The following CYP19A1 variants were observed in gnomAD, a reference collection of about 807,000 sequenced individuals.
The protein encoded by CYP19A1 is cytochrome P450 family 19 subfamily A member 1.
A neutral mutation model predicts 44.4 loss-of-function variants in CYP19A1; 32 were observed. The ratio of observed to expected loss-of-function variants is 0.72; its 90% CI spans 0.54 to 0.97. The LOEUF (loss-of-function observed/expected upper bound fraction) is 0.97. Ranked by LOEUF, CYP19A1 falls within the 50% of genes least tolerant of loss-of-function variation. CYP19A1 has a pLI of 0.00. For synonymous variants in CYP19A1, 212 were observed against 215.6 expected (o/e 0.98, Z 0.14); for missense variants, 598 against 637.8 (o/e 0.94, Z 0.67).
intron 3 of CYP19A1, 152 bp from the exon 4 acceptor site, chr15:51,228,085 T>G: frequency 1.4e-6 from 1 of 693,206 alleles, no homozygotes; most frequent in South Asian, 1.5e-5. Flanking sequence ...TAAGCACTTC[T>G]GTTAGCATGA....
chr15:51,283,849 G>A (rs532048219), intron 1 of CYP19A1, among the ~76,000 whole-genome samples: 3 of 152,268 alleles, frequency 2.0e-5, no homozygotes, highest in South Asian at 2.1e-4. Flanking sequence ...CCTCACAAGC[G>A]TACAACAATT....
intron 1 of CYP19A1, among the ~76,000 whole-genome samples, chr15:51,267,833 C>T (rs572303865): frequency 2.0e-5 from 3 of 152,210 alleles, no homozygotes; most frequent in African/African-American, 4.8e-5. Flanking sequence ...GCTCCCCATG[C>T]CCCGGGGAAG....
rs2030714417 is a variant in CYP19A1 at position 51,209,442 on chromosome 15, A to AGACAG, written c.*1365_*1366insCTGTC. On this transcript the variant is annotated 3_prime_UTR_variant, in exon 10 of 10. Transcript: ENST00000396402. ...ACAGTAGGATGAAAAGAACAGTCAA[A>AGACAG]TGGGATGGCAATGGATTCAATGACA... 6.6e-6 allele frequency: 1 copy of AGACAG among 152,242 alleles called. No homozygotes were observed. Among genetic ancestry groups the AGACAG allele is most frequent in the Non-Finnish European group, 1.5e-5 (1 of 68,028 alleles). The allele number at this position is 152,242 out of a possible 1,614,324, so 9.4% of individuals were successfully genotyped here. A position where few individuals can be genotyped will look rare whatever the true frequency, so the allele number is the denominator to read the frequency against.
At chr15:51,298,909 G>A (rs1307089948) in intron 1 of CYP19A1, among the ~76,000 whole-genome samples, 1 of 124,810 alleles carries the variant, frequency 8.0e-6, no homozygotes, top group Non-Finnish European at 1.8e-5. Flanking sequence ...AATGAGCAAA[G>A]CAGGCCTGAG....
intron 1 of CYP19A1, among the ~76,000 whole-genome samples, chr15:51,246,304 T>C (rs1022062069): frequency 6.6e-6 from 1 of 152,168 alleles, no homozygotes; most frequent in African/African-American, 2.4e-5. Flanking sequence ...TCAGGTGCTA[T>C]GCATTTGCCA....
At chr15:51,325,836 CAAAAAAAAAAAAAAAAAA>C (rs61378264) in intron 1 of CYP19A1, among the ~76,000 whole-genome samples, 1 of 57,172 alleles carries the variant, frequency 1.7e-5, no homozygotes, top group Non-Finnish European at 3.0e-5. Flanking sequence ...GACTCCGTCT[CAAAAAAAAAAAAAAAAAA>C]AAAAAAAAAA....
intron 1 of CYP19A1, among the ~76,000 whole-genome samples, chr15:51,313,461 G>T (rs549066284): frequency 8.5e-5 from 13 of 152,162 alleles, no homozygotes; most frequent in Non-Finnish European, 1.8e-4. Flanking sequence ...GAGGTAGCAT[G>T]CAGAGCCCTT....
chr15:51,238,002 T>C (rs556790101), intron 2 of CYP19A1, among the ~76,000 whole-genome samples: 1 of 152,340 alleles, frequency 6.6e-6, no homozygotes, highest in Admixed American at 6.5e-5. Context: ...CGGGCAAAAG[T>C]TGTGTAATAA....
chr15:51,327,379 A>T (rs915532284), intron 1 of CYP19A1, among the ~76,000 whole-genome samples: 2 of 152,138 alleles, frequency 1.3e-5, no homozygotes, highest in African/African-American at 2.4e-5. Context: ...CCTGTGTTTG[A>T]TTTCCACAGA....
At chr15:51,275,182 CTT>C (rs2035263282) in intron 1 of CYP19A1, among the ~76,000 whole-genome samples, 1 of 152,270 alleles carries the variant, frequency 6.6e-6, no homozygotes, top group Admixed American at 6.5e-5. Context: ...TCCTACCCCA[CTT>C]CACTTGGGAT....
intron 1 of CYP19A1, among the ~76,000 whole-genome samples, chr15:51,330,650 A>T (rs530575794): frequency 1.1e-4 from 16 of 152,132 alleles, no homozygotes; most frequent in Non-Finnish European, 2.2e-4. Context: ...CAGAGTGAGG[A>T]TGTAGGGCAC....
In CYP19A1 at chr15:51,227,761, A is replaced by T; in HGVS notation, c.451+18T>A. 8.2e-7 allele frequency: 1 copy of T among 1,217,772 alleles called. No individual in the cohort carries two copies. The highest frequency in any genetic ancestry group is 1.2e-6 in the Non-Finnish European group (1 of 819,412). The allele number at this position is 1,217,772 out of a possible 1,614,324, so 75.4% of individuals were successfully genotyped here. Reference sequence around the variant, plus strand: ...TTCATAGACAAAAAAGATTGTAGCTAACTAAGTACCTGCTTACCTTTCATA... The same window carrying T: ...TTCATAGACAAAAAAGATTGTAGCTTACTAAGTACCTGCTTACCTTTCATA... On this transcript the variant is annotated intron_variant, in intron 4 of 9. Coordinates refer to ENST00000396402, the MANE Select transcript of CYP19A1 (RefSeq NM_000103.4).
intron 1 of CYP19A1, among the ~76,000 whole-genome samples, chr15:51,263,818 G>A (rs769211177): frequency 6.6e-6 from 1 of 152,242 alleles, no homozygotes; most frequent in Non-Finnish European, 1.5e-5. Context: ...TTGTGAACAT[G>A]GAGGGAGCTT....
chr15:51,232,629 C>G (rs1321317535), intron 3 of CYP19A1, among the ~76,000 whole-genome samples: 6 of 152,194 alleles, frequency 3.9e-5, no homozygotes, highest in Non-Finnish European at 7.4e-5. Flanking sequence ...CTGGACAGCA[C>G]TTTGACTCTT....
At chr15:51,266,616 G>A (rs2034927909) in intron 1 of CYP19A1, among the ~76,000 whole-genome samples, 2 of 152,232 alleles carry the variant, frequency 1.3e-5, no homozygotes, top group South Asian at 4.1e-4. Flanking sequence ...AATTCCATGG[G>A]TTTACTTCAT....
intron 1 of CYP19A1, among the ~76,000 whole-genome samples, chr15:51,285,479 G>A (rs2140979896): frequency 6.6e-6 from 1 of 152,276 alleles, no homozygotes; most frequent in South Asian, 2.1e-4. Flanking sequence ...AAAGAGAAGG[G>A]GAAAATGTTG....
intron 1 of CYP19A1, among the ~76,000 whole-genome samples, chr15:51,254,898 C>T (rs2034458173): frequency 6.6e-6 from 1 of 152,102 alleles, no homozygotes; most frequent in African/African-American, 2.4e-5. Flanking sequence ...TCCTCAAATG[C>T]ACAGTGATTA....
rs1201639785 is a variant in CYP19A1 at position 51,264,100 on chromosome 15, G to C, written c.-38-21150C>G. 2.0e-5 allele frequency among the ~76,000 whole-genome samples: 3 copies of C among 152,230 alleles called. No homozygotes were observed. The South Asian group carries it at 6.2e-4, about 32-fold the overall frequency. ...GAGGAGATTTATGGACATAGGCAAA[G>C]TGGAGGGACCATTGGCTTGGAAATC... On this transcript the variant is annotated intron_variant, in intron 1 of 9. Coordinates refer to ENST00000396402, the MANE Select transcript of CYP19A1 (RefSeq NM_000103.4).
At chr15:51,275,176 A>C (rs2140960384) in intron 1 of CYP19A1, among the ~76,000 whole-genome samples, 1 of 152,288 alleles carries the variant, frequency 6.6e-6, no homozygotes, top group South Asian at 2.1e-4. Context: ...AAAGAGTCCT[A>C]CCCCACTTCA....
Sources: gnomAD v4.1 joint callset for allele counts (sites outside exome capture counted in the v4.1 genomes callset) on GRCh38, gnomAD v4.1.1 for gene constraint, MANE v1.5 for transcripts, NCBI Gene and HGNC (gene_info 2026-07-23, HGNC 2026-07-21) for gene names.